Variants in TTC12 observed in about 807,000 individuals in gnomAD.
TTC12 encodes the protein tetratricopeptide repeat domain 12, also known as tetratricopeptide repeat protein 12.
A neutral mutation model predicts 90.1 loss-of-function variants in TTC12; 70 were observed. The ratio of observed to expected loss-of-function variants is 0.78; its 90% CI spans 0.64 to 0.95. TTC12 has a LOEUF of 0.95. TTC12 is among the 40% of genes least tolerant of loss of function. The pLI is 0.00. For synonymous variants in TTC12, 296 were observed against 311.5 expected (o/e 0.95, Z 0.53); for missense variants, 819 against 846.1 (o/e 0.97, Z 0.40).
At chr11:113,340,835 T>A in intron 11 of TTC12, 102 bp downstream of exon 11, 1 of 988,490 alleles carries the variant, frequency 1.0e-6, no homozygotes, top group Non-Finnish European at 1.6e-6. Context: ...TTTCTGAACA[T>A]TACCCCCCTT....
chr11:113,368,150 G>A, downstream of TTC12: 1 of 1,353,652 alleles, frequency 7.4e-7, no homozygotes, highest in Non-Finnish European at 9.7e-7. Flanking sequence ...CAAAGAGTGG[G>A]GAATGTCAAA....
intron 7 of TTC12, among the ~76,000 whole-genome samples, chr11:113,331,803 G>A (rs539133096): frequency 6.6e-6 from 1 of 152,308 alleles, no homozygotes; most frequent in Admixed American, 6.5e-5. Flanking sequence ...AAAAAACACT[G>A]ACACTCAGCA....
intron 18 of TTC12, among the ~76,000 whole-genome samples, chr11:113,360,884 C>T (rs1436983787): frequency 4.6e-5 from 7 of 152,312 alleles, no homozygotes; most frequent in Admixed American, 2.0e-4. Flanking sequence ...TGTGCGTGTG[C>T]ATTTTCACAG....
intron 16 of TTC12, among the ~76,000 whole-genome samples, chr11:113,355,287 G>T (rs964679440): frequency 1.3e-5 from 2 of 152,164 alleles, no homozygotes; most frequent in African/African-American, 2.4e-5. Flanking sequence ...TTGTATTTCT[G>T]TGGGGTCAGT....
Position 113,339,266 on chromosome 11 carries a change from T to C in TTC12, c.638-20T>C. The stretch of plus-strand genomic sequence containing the variant: ...TTGATTGTTAGGGTTTTGTTTTGCT[T>C]TCCTTTCTTGTTTTTCTAGGTTACC... On this transcript the variant is annotated intron_variant, in intron 9 of 21. Transcript: ENST00000529221. The C allele has an allele frequency of 6.3e-7, 1 of 1,583,048 alleles. No individual in the cohort carries two copies. The highest frequency in any genetic ancestry group is 1.1e-5 in the South Asian group (1 of 87,862).
At chr11:113,315,654 A>C (rs1946889764) in intron 1 of TTC12, among the ~76,000 whole-genome samples, 1 of 152,220 alleles carries the variant, frequency 6.6e-6, no homozygotes, top group African/African-American at 2.4e-5. Context: ...GCACAAAAAC[A>C]ACTGTAAAAT....
chr11:113,354,163 G>T (rs1949485109), intron 16 of TTC12, among the ~76,000 whole-genome samples: 1 of 152,176 alleles, frequency 6.6e-6, no homozygotes, highest in Middle Eastern at 3.4e-3. Flanking sequence ...AGTTCTTCTT[G>T]TGGAGATCTC....
chr11:113,368,039 C>A (rs534050975), downstream of TTC12: 4 of 486,426 alleles, frequency 8.2e-6, no homozygotes, highest in South Asian at 6.1e-5. Flanking sequence ...TTCATAACCA[C>A]CAGCCCTGTC....
At chr11:113,329,780 G>C (rs2137951845) in intron 6 of TTC12, 140 bp from the exon 7 acceptor site, 2 of 757,826 alleles carry the variant, frequency 2.6e-6, no homozygotes, top group South Asian at 2.8e-5. Flanking sequence ...TGTGCCATCT[G>C]TTTCCTGGCA....
downstream of TTC12, chr11:113,368,634 C>T (rs779108659): frequency 2.3e-5 from 19 of 831,106 alleles, no homozygotes; most frequent in Non-Finnish European, 3.4e-5. Context: ...GACGGTGGTT[C>T]CAGTGCGCCG....
At position 113,344,387 on chromosome 11, in the gene TTC12, C is replaced by T. The variant is rs377423064; in HGVS notation, c.1101C>T (p.Leu367=). Reference sequence around the variant, plus strand: ...AGAGCTTTGCCCTGCTGCTGCATCTCGCCCAGACTGAGAGCGGACGGAGCC... The same window carrying T: ...AGAGCTTTGCCCTGCTGCTGCATCTTGCCCAGACTGAGAGCGGACGGAGCC... ...RQQSFALLLH[L]AQTESGRSLI... Residue 367 remains leucine, a synonymous_variant, in exon 13 of 22, where the codon CTC becomes CTT. Transcript: ENST00000529221. 4.0e-5 allele frequency: 65 copies of T among 1,614,062 alleles called. No individual in the cohort carries two copies. The Middle Eastern group carries it at 8.2e-4, about 20-fold the overall frequency.
intron 8 of TTC12, 120 bp from the exon 9 acceptor site, chr11:113,338,654 C>A: frequency 1.4e-6 from 1 of 703,270 alleles, no homozygotes; most frequent in Non-Finnish European, 2.5e-6. Context: ...GTCTCCTGCA[C>A]TGGGAGCAGG....
intron 13 of TTC12, among the ~76,000 whole-genome samples, chr11:113,349,780 A>G (rs1320146618): frequency 6.6e-6 from 1 of 152,222 alleles, no homozygotes; most frequent in Non-Finnish European, 1.5e-5. Flanking sequence ...AGCCAGAGTC[A>G]CATGGCAGAG....
downstream of TTC12, chr11:113,368,104 T>C (rs955477651): frequency 8.6e-7 from 1 of 1,168,250 alleles, no homozygotes; most frequent in Non-Finnish European, 1.1e-6. Flanking sequence ...CCTTCTTGGC[T>C]CTTGAAAATG....
At chr11:113,369,804 CAGAT>C (rs774739354), downstream of TTC12, among the ~76,000 whole-genome samples, 21 of 152,140 alleles carry the variant, frequency 1.4e-4, no homozygotes, top group Non-Finnish European at 2.4e-4. Flanking sequence ...AGGTGACTGA[CAGAT>C]AGAAAGTATT....
intron 7 of TTC12, among the ~76,000 whole-genome samples, chr11:113,332,639 C>A (rs1357476054): frequency 6.6e-6 from 1 of 152,218 alleles, no homozygotes; most frequent in African/African-American, 2.4e-5. Context: ...CTTCTCCTCT[C>A]ATGGGCTCAA....
At position 113,361,675 on chromosome 11, in the gene TTC12, A is replaced by G. The variant is rs1256791673; in HGVS notation, c.1615-726A>G. On this transcript the variant is annotated intron_variant, in intron 18 of 21. Transcript: ENST00000529221. ...TCTAGTATACGGGGGTGCCACCTCT[A>G]TATCTTTCCATACTTCTGATAAACT... Among the ~76,000 whole-genome samples the G allele has an allele frequency of 3.3e-5, 5 of 152,202 alleles. No homozygotes were observed. The South Asian group carries it at 8.3e-4, about 25-fold the overall frequency.
intron 2 of TTC12, among the ~76,000 whole-genome samples, chr11:113,322,287 G>T (rs538674714): frequency 6.6e-6 from 1 of 152,200 alleles, no homozygotes; most frequent in South Asian, 2.1e-4. Flanking sequence ...GAAGCTGGTC[G>T]AATGGAATAG....
chr11:113,325,728 T>C, intron 6 of TTC12, 83 bp downstream of exon 6: 2 of 1,559,810 alleles, frequency 1.3e-6, no homozygotes, highest in Non-Finnish European at 1.7e-6. Context: ...TGAGGCTAGA[T>C]GTTGGGCTGG....
Sources: allele counts gnomAD v4.1 joint callset (sites outside exome capture counted in the v4.1 genomes callset), GRCh38; gene constraint gnomAD v4.1.1; transcripts MANE v1.5; gene names NCBI Gene and HGNC (gene_info 2026-07-23, HGNC 2026-07-21).